The following STK33 variants were observed in gnomAD, a reference collection of about 807,000 sequenced individuals.
STK33 encodes serine/threonine-protein kinase 33.
A neutral mutation model predicts 58.0 loss-of-function variants in STK33; 52 were observed. The ratio of observed to expected loss-of-function variants is 0.90; its 90% CI spans 0.72 to 1.13. The LOEUF (loss-of-function observed/expected upper bound fraction) is 1.13. Ranked by LOEUF, STK33 falls within the 50% of genes most tolerant of loss-of-function variation. The pLI is 0.00. For synonymous variants in STK33, 215 were observed against 200.1 expected, an observed-to-expected ratio of 1.07 and a Z score of -0.63; for missense variants, 630 against 604.2, an observed-to-expected ratio of 1.04 and a Z score of -0.45.
intron 12 of STK33, among the ~76,000 whole-genome samples, chr11:8,437,522 T>A (rs994644834): frequency 2.6e-5 from 4 of 152,356 alleles, no homozygotes; most frequent in Admixed American, 2.6e-4. Flanking sequence ...AATATATTTT[T>A]ATACTTCATT....
At position 8,473,289 on chromosome 11, in the gene STK33, A is replaced by T. The variant is rs1948960305; in HGVS notation, c.226-13T>A. 6.9e-7 allele frequency: 1 copy of T among 1,444,790 alleles called. No homozygotes were observed. The highest frequency in any genetic ancestry group is 2.3e-5 in the East Asian group (1 of 44,076). 89.5% of individuals were successfully genotyped at this position (1,444,790 alleles called of 1,614,324 possible). On this transcript the variant is annotated splice_polypyrimidine_tract_variant and intron_variant, in intron 5 of 15. Transcript: ENST00000687296. The stretch of plus-strand genomic sequence containing the variant: ...AGGTTCTTGAGGGCTGGGACCAAAA[A>T]AAAAATTAAAAAAAAAAAACTTTAA...
At chr11:8,435,003 A>G (rs1229888647) in intron 14 of STK33, among the ~76,000 whole-genome samples, 1 of 152,206 alleles carries the variant, frequency 6.6e-6, no homozygotes, top group East Asian at 1.9e-4. Flanking sequence ...GTAAGACACA[A>G]GGTCTGTGCT....
the STK33 span, among the ~76,000 whole-genome samples, chr11:8,345,940 C>T: frequency 6.6e-6 from 1 of 152,184 alleles, no homozygotes; most frequent in East Asian, 1.9e-4. Context: ...GAGTGGCAAC[C>T]GTGCACTAGG....
intron 1 of STK33, among the ~76,000 whole-genome samples, chr11:8,520,491 C>T (rs954257392): frequency 6.6e-6 from 1 of 152,060 alleles, no homozygotes; most frequent in Non-Finnish European, 1.5e-5. Flanking sequence ...AAGTTCTGGC[C>T]AGGGCAATCA....
chr11:8,422,717 C>T (rs572189234), intron 14 of STK33, among the ~76,000 whole-genome samples: 4 of 152,168 alleles, frequency 2.6e-5, no homozygotes, highest in East Asian at 3.9e-4. Context: ...AGTTTGCAGA[C>T]GTATTTGCAT....
intron 1 of STK33, among the ~76,000 whole-genome samples, chr11:8,517,770 C>T (rs1311814137): frequency 1.3e-5 from 2 of 151,646 alleles, no homozygotes; most frequent in Non-Finnish European, 2.9e-5. Context: ...TGAAATGAAG[C>T]GAGAAGAGAA....
At chr11:8,570,072 A>G (rs532465256) in intron 1 of STK33, among the ~76,000 whole-genome samples, 238 of 152,342 alleles carry the variant, frequency 1.6e-3, no homozygotes, top group African/African-American at 5.1e-3. Context: ...CTACAACTCA[A>G]AAATAAAAAG....
At chr11:8,487,146 G>A (rs1197917168) in intron 1 of STK33, among the ~76,000 whole-genome samples, 3 of 152,046 alleles carry the variant, frequency 2.0e-5, no homozygotes, top group African/African-American at 7.2e-5. Flanking sequence ...CACAGAGGCC[G>A]GGCACAGTGG....
intron 8 of STK33, among the ~76,000 whole-genome samples, chr11:8,457,752 C>A (rs1049391498): frequency 3.3e-5 from 5 of 152,162 alleles, no homozygotes; most frequent in Non-Finnish European, 7.3e-5. Context: ...AGAAGAGGGG[C>A]AGCCTCTGTC....
At chr11:8,376,915 T>G in the STK33 span, among the ~76,000 whole-genome samples, 1,702 of 152,304 alleles carry the variant, frequency 0.011, 37 homozygotes, top group African/African-American at 0.037. Flanking sequence ...TAGTATAGTC[T>G]GAAACCTGAA....
intron 1 of STK33, among the ~76,000 whole-genome samples, chr11:8,513,686 G>T (rs1035499648): frequency 6.6e-6 from 1 of 151,604 alleles, no homozygotes; most frequent in African/African-American, 2.4e-5. Context: ...TTTAATTTTT[G>T]GGGGTATATA....
At chr11:8,523,652 C>T (rs986434500) in intron 1 of STK33, among the ~76,000 whole-genome samples, 6 of 150,810 alleles carry the variant, frequency 4.0e-5, no homozygotes, top group Admixed American at 6.6e-5. Context: ...CTGCCCAGTC[C>T]GGGAGGTGGG....
chr11:8,487,401 G>C (rs1565166705), intron 1 of STK33, among the ~76,000 whole-genome samples: 1 of 138,564 alleles, frequency 7.2e-6, no homozygotes, highest in Non-Finnish European at 1.5e-5. Flanking sequence ...CAGCCTGAGT[G>C]ACACAGTGAG....
At chr11:8,381,945 G>C in the STK33 span, among the ~76,000 whole-genome samples, 1 of 152,128 alleles carries the variant, frequency 6.6e-6, no homozygotes, top group Non-Finnish European at 1.5e-5. Context: ...CTGAGACCCA[G>C]AAGGGAAGGG....
At chr11:8,441,453 G>A (rs1170809654) in intron 11 of STK33, among the ~76,000 whole-genome samples, 18 of 152,002 alleles carry the variant, frequency 1.2e-4, no homozygotes, top group Admixed American at 1.2e-3. Context: ...CTAGGTTCAA[G>A]GTATCATCCC....
chr11:8,496,390 A>G (rs1387143473), intron 1 of STK33, among the ~76,000 whole-genome samples: 1 of 152,190 alleles, frequency 6.6e-6, no homozygotes, highest in Non-Finnish European at 1.5e-5. Flanking sequence ...TGCTTCTATG[A>G]TTAGACTTGA....
intron 1 of STK33, among the ~76,000 whole-genome samples, chr11:8,587,115 C>T (rs189386428): frequency 9.7e-4 from 147 of 152,100 alleles, no homozygotes; most frequent in African/African-American, 3.3e-3. Context: ...ATAAATTAAG[C>T]GAACAAACAT....
intron 14 of STK33, among the ~76,000 whole-genome samples, chr11:8,425,192 C>CTACATATGGCTAGCAGGT (rs1363733413): frequency 4.6e-5 from 7 of 152,058 alleles, no homozygotes; most frequent in Non-Finnish European, 7.4e-5. Flanking sequence ...CCAGTTTCAG[C>CTACATATGGCTAGCAGGT]TTTCTACATA....
chr11:8,532,773 T>C (rs1178748740), intron 1 of STK33, among the ~76,000 whole-genome samples: 1 of 152,212 alleles, frequency 6.6e-6, no homozygotes, highest in East Asian at 1.9e-4. Context: ...GCTGTGTGTT[T>C]GCTAACCCTG....
Sources: gnomAD v4.1 joint callset for allele counts (sites outside exome capture counted in the v4.1 genomes callset) on GRCh38, gnomAD v4.1.1 for gene constraint, MANE v1.5 for transcripts, NCBI Gene and HGNC (gene_info 2026-07-23, HGNC 2026-07-21) for gene names.